Variants in TAX1BP1 observed in about 807,000 individuals in gnomAD.
The protein encoded by TAX1BP1 is Tax1 binding protein 1.
In TAX1BP1, 62 loss-of-function variants were observed where a neutral mutation model predicts 97.7. The observed-to-expected ratio is 0.63, with a 90% CI of 0.52 to 0.78. The LOEUF (loss-of-function observed/expected upper bound fraction) is 0.78, where lower values mean the gene tolerates loss of function less well. Ranked by LOEUF, TAX1BP1 falls within the 30% of genes least tolerant of loss-of-function variation. The pLI is 0.00. For missense variants in TAX1BP1, 867 were observed against 916.1 expected, an observed-to-expected ratio of 0.95 and a Z score of 0.69; for synonymous variants, 340 against 304.2, an observed-to-expected ratio of 1.12 and a Z score of -1.23.
chr7:27,765,667 A>G (rs1479830016), intron 3 of TAX1BP1, among the ~76,000 whole-genome samples, 167 bp from the exon 4 acceptor site: 1 of 152,238 alleles, frequency 6.6e-6, no homozygotes, highest in Non-Finnish European at 1.5e-5. Flanking sequence ...AACTTTGAGT[A>G]GGAAGGAAGA....
Position 27,792,094 on chromosome 7 carries a change from A to G in TAX1BP1, c.1127A>G (p.Glu376Gly). 3 of 1,614,106 alleles carry G rather than the reference A, an allele frequency of 1.9e-6. No homozygotes were observed. The highest frequency in any genetic ancestry group is 2.5e-6 in the Non-Finnish European group (3 of 1,180,020). The change falls in exon 9 of 17, where the codon GAA becomes GGA. Residue 376 changes from glutamate (E) to glycine (G), a missense_variant. Glu to Gly is a moderately conservative substitution (Grantham distance 98). Coordinates refer to ENST00000396319, the MANE Select transcript of TAX1BP1 (RefSeq NM_006024.7). ...CAAGAAGTTGTCTTTCTGGCTAAAG[A>G]ACTCAGTGATGCTGTCAACGTACGA... is the stretch of plus-strand genomic sequence containing the variant. ...TRQEVVFLAK[E>G]LSDAVNVRDR...
At chr7:27,781,199 G>A (rs1338567079) in intron 5 of TAX1BP1, among the ~76,000 whole-genome samples, 2 of 152,136 alleles carry the variant, frequency 1.3e-5, no homozygotes, top group Admixed American at 1.3e-4. Context: ...AAGTACATTT[G>A]TTCATAGCAG....
At chr7:27,788,579 C>T (rs1218751748) in intron 8 of TAX1BP1, among the ~76,000 whole-genome samples, 1 of 151,930 alleles carries the variant, frequency 6.6e-6, no homozygotes, top group Non-Finnish European at 1.5e-5. Flanking sequence ...GTCACCCTTC[C>T]CTCTTTTTTA....
At chr7:27,779,777 CG>C (rs1562716454) in intron 5 of TAX1BP1, among the ~76,000 whole-genome samples, 1 of 152,008 alleles carries the variant, frequency 6.6e-6, no homozygotes, top group African/African-American at 2.4e-5. Context: ...CATGATTATT[CG>C]GGGGCCTTGT....
chr7:27,758,109 G>A lies in TAX1BP1; in HGVS notation c.241G>A (p.Val81Ile), dbSNP rs1307402650. ...MPEHYVEGSTVNCVLAFQGYY... is the reference protein window; with the variant it reads ...MPEHYVEGSTINCVLAFQGYY... ...TGAACATTATGTGGAAGGATCAACA[G>A]TCAATTGTGTACTAGCATTCCAAGG... is the stretch of plus-strand genomic sequence containing the variant. Residue 81 changes from valine (V) to isoleucine (I), a missense_variant, in exon 3 of 17, where the codon GTC becomes ATC. By Grantham distance (29) the Val-to-Ile change is conservative. This residue lies in a region of TAX1BP1 where 822 missense variants were observed against 851.4 expected (regional missense o/e 0.97). Transcript: ENST00000396319. 6.2e-7 allele frequency: 1 copy of A among 1,611,784 alleles called. No individual in the cohort carries two copies. The highest frequency in any genetic ancestry group is 8.5e-7 in the Non-Finnish European group (1 of 1,178,962).
chr7:27,769,225 T>G (rs1434882419), intron 4 of TAX1BP1, among the ~76,000 whole-genome samples: 2 of 151,888 alleles, frequency 1.3e-5, no homozygotes, highest in Non-Finnish European at 2.9e-5. Context: ...TAGTAGTAAT[T>G]CCATAGATGA....
chr7:27,828,544 G>C, intron 16 of TAX1BP1, 84 bp from the exon 17 acceptor site: 1 of 1,337,736 alleles, frequency 7.5e-7, no homozygotes, highest in Non-Finnish European at 1.0e-6. Context: ...CAGCTAACTA[G>C]ATAAATGGAA....
At chr7:27,741,375 C>T (rs1787592715) in intron 1 of TAX1BP1, among the ~76,000 whole-genome samples, 1 of 152,182 alleles carries the variant, frequency 6.6e-6, no homozygotes, top group Non-Finnish European at 1.5e-5. Context: ...CGTTCTGTTC[C>T]TTTCAAGGGT....
At chr7:27,795,183 T>C (rs533326404) in intron 11 of TAX1BP1, among the ~76,000 whole-genome samples, 1 of 152,256 alleles carries the variant, frequency 6.6e-6, no homozygotes, top group African/African-American at 2.4e-5. Flanking sequence ...CTATTAAATA[T>C]TAGGTTTATC....
intron 5 of TAX1BP1, among the ~76,000 whole-genome samples, chr7:27,782,245 T>C (rs1339772222): frequency 6.6e-6 from 1 of 152,104 alleles, no homozygotes; most frequent in Non-Finnish European, 1.5e-5. Context: ...TTATTTTATT[T>C]TATTTTTTTG....
intron 12 of TAX1BP1, 106 bp downstream of exon 12, chr7:27,796,325 C>T (rs1789931564): frequency 1.0e-6 from 1 of 952,512 alleles, no homozygotes. Flanking sequence ...TTTCCATCTC[C>T]ATATAGTGTT....
intron 15 of TAX1BP1, among the ~76,000 whole-genome samples, chr7:27,818,776 G>C (rs1474430968): frequency 1.3e-5 from 2 of 152,072 alleles, no homozygotes; most frequent in Non-Finnish European, 2.9e-5. Flanking sequence ...TCACTTATTT[G>C]TTCTTCATAG....
chr7:27,802,958 G>A (rs927865400), intron 13 of TAX1BP1: 136 of 661,820 alleles, frequency 2.1e-4, no homozygotes, highest in Non-Finnish European at 2.9e-4. Context: ...TAAATGACAA[G>A]TAATTCAGAG....
At chr7:27,773,849 A>G (rs1386519372) in intron 5 of TAX1BP1, among the ~76,000 whole-genome samples, 1 of 152,058 alleles carries the variant, frequency 6.6e-6, no homozygotes, top group African/African-American at 2.4e-5. Context: ...AAATAGGAGT[A>G]AAAAGAGCTG....
At chr7:27,803,733 A>C (rs1445311150) in intron 13 of TAX1BP1, among the ~76,000 whole-genome samples, 1 of 152,236 alleles carries the variant, frequency 6.6e-6, no homozygotes, top group Non-Finnish European at 1.5e-5. Flanking sequence ...AAATGTGTTA[A>C]TTTTATTGAC....
rs140509885 is a variant in TAX1BP1, at chr7:27,764,608, T to G, written c.266-1226T>G. On this transcript the variant is annotated intron_variant, in intron 3 of 16. Coordinates refer to ENST00000396319, the MANE Select transcript of TAX1BP1 (RefSeq NM_006024.7). ...TTTTTTCCCTTGTAATTAATGAATA[T>G]TATGAGGGAGCTACTTTGAGACTGT... is the stretch of plus-strand genomic sequence containing the variant. Among the ~76,000 whole-genome samples the G allele has an allele frequency of 1.2e-3, 189 of 152,296 alleles. 2 individuals carry two copies. The highest frequency in any genetic ancestry group is 4.3e-3 in the African/African-American group (178 of 41,566).
chr7:27,741,529 C>G (rs1787602204), intron 1 of TAX1BP1, among the ~76,000 whole-genome samples: 1 of 145,094 alleles, frequency 6.9e-6, no homozygotes. Context: ...GAGATGGAGT[C>G]TTGCTCTGTC....
chr7:27,796,036 A>T, intron 11 of TAX1BP1, 80 bp from the exon 12 acceptor site: 1 of 1,007,304 alleles, frequency 9.9e-7, no homozygotes, highest in Non-Finnish European at 1.5e-6. Flanking sequence ...CAGTATACTG[A>T]CCTTTAAGTT....
chr7:27,828,450 C>G lies in TAX1BP1; in HGVS notation c.2169-178C>G, dbSNP rs141513637. Among the ~76,000 whole-genome samples, 12 of 152,252 alleles carry G rather than the reference C, an allele frequency of 7.9e-5. No individual in the cohort carries two copies. In the East Asian group the frequency reaches 2.3e-3, roughly 29 times the overall value. On this transcript the variant is annotated intron_variant, in intron 16 of 16. Coordinates refer to ENST00000396319, the MANE Select transcript of TAX1BP1 (RefSeq NM_006024.7). ...ATTTAGAGGCTCTATAAATGGGTTA[C>G]ACAATTGTCTACAGCAAGCATTTAG...
Sources: gnomAD v4.1 joint callset for allele counts (sites outside exome capture counted in the v4.1 genomes callset) on GRCh38, gnomAD v4.1.1 for gene constraint, gnomAD v4.1.1 regional missense constraint, MANE v1.5 for transcripts, NCBI Gene and HGNC (gene_info 2026-07-23, HGNC 2026-07-21) for gene names.